Variants in NEBL observed in about 807,000 individuals in gnomAD.
NEBL encodes nebulette.
Under a neutral mutation model 140.2 loss-of-function variants are expected in NEBL, and 122 were observed. The observed-to-expected ratio is 0.87, with a 90% confidence interval of 0.75 to 1.01. The LOEUF is 1.01. Ranked by LOEUF, NEBL falls within the 50% of genes least tolerant of loss-of-function variation. The probability of loss-of-function intolerance (pLI) is 0.00; values close to 1 mark genes in which losing one functional copy is unlikely to be tolerated. For synonymous variants in NEBL, 436 were observed against 398.9 expected, an observed-to-expected ratio of 1.09 and a Z score of -1.11; for missense variants, 1,365 against 1,231.3, an observed-to-expected ratio of 1.11 and a Z score of -1.62.
At chr10:20,814,771 T>A (rs1238337359) in intron 22 of NEBL, among the ~76,000 whole-genome samples, 1 of 152,212 alleles carries the variant, frequency 6.6e-6, no homozygotes, top group East Asian at 1.9e-4. Flanking sequence ...CTACTCTATT[T>A]CTTTTTATTT....
At position 21,276,056 on chromosome 10, in the gene NEBL, C is replaced by T. The variant is rs187355232; in HGVS notation, n.182+16774G>A. On this transcript the variant is annotated intron_variant and non_coding_transcript_variant, in intron 1 of 8. Coordinates refer to the NEBL transcript ENST00000675702. ...TGTGATCTCAACTCATTCTGACCTCCGCCTCCTAGGTTCAAGCGATTGTCA... is the reference window on the plus strand; with the variant it reads ...TGTGATCTCAACTCATTCTGACCTCTGCCTCCTAGGTTCAAGCGATTGTCA... 1.8e-3 allele frequency among the ~76,000 whole-genome samples: 276 copies of T among 150,892 alleles called. 2 individuals are homozygous for T. Among genetic ancestry groups the T allele is most frequent in the African/African-American group, 6.4e-3 (263 of 41,086 alleles).
chr10:20,984,513 G>A (rs893099514), intron 3 of NEBL, among the ~76,000 whole-genome samples: 1 of 152,138 alleles, frequency 6.6e-6, no homozygotes, highest in Non-Finnish European at 1.5e-5. Flanking sequence ...TTTTGACAAT[G>A]AGATGTCTCT....
intron 2 of NEBL, among the ~76,000 whole-genome samples, chr10:21,083,250 C>A (rs1836469953): frequency 6.6e-6 from 1 of 152,172 alleles, no homozygotes; most frequent in East Asian, 1.9e-4. Flanking sequence ...AGCATGACCC[C>A]AGGGTAAGCA....
At chr10:21,017,333 T>C (rs1023974539) in intron 3 of NEBL, among the ~76,000 whole-genome samples, 1 of 152,212 alleles carries the variant, frequency 6.6e-6, no homozygotes, top group Non-Finnish European at 1.5e-5. Flanking sequence ...ACATGTTTCT[T>C]GAATTGCATT....
At chr10:21,132,904 A>T (rs1450588684) in intron 2 of NEBL, among the ~76,000 whole-genome samples, 2 of 152,218 alleles carry the variant, frequency 1.3e-5, no homozygotes, top group Non-Finnish European at 2.9e-5. Context: ...AATGATCTGC[A>T]AATATTTTCT....
At chr10:21,239,879 C>G (rs552082652) in intron 3 of NEBL, among the ~76,000 whole-genome samples, 1 of 151,840 alleles carries the variant, frequency 6.6e-6, no homozygotes, top group Non-Finnish European at 1.5e-5. Context: ...AGCCGGGCAT[C>G]GTGGCGGTCA....
intron 2 of NEBL, chr10:21,069,831 AATTAT>A: frequency 2.8e-6 from 1 of 363,494 alleles, no homozygotes; most frequent in East Asian, 7.4e-5. Flanking sequence ...AACTGTATCT[AATTAT>A]ATTAATCACA....
chr10:20,801,842 C>T (rs934728065), intron 26 of NEBL, among the ~76,000 whole-genome samples: 1 of 152,036 alleles, frequency 6.6e-6, no homozygotes, highest in Non-Finnish European at 1.5e-5. Flanking sequence ...GATGAAACGC[C>T]GGAAGCATAG....
At chr10:20,968,817 T>C (rs902793227) in intron 3 of NEBL, among the ~76,000 whole-genome samples, 13 of 152,242 alleles carry the variant, frequency 8.5e-5, no homozygotes, top group African/African-American at 3.1e-4. Flanking sequence ...TCCACATTTC[T>C]TTAAAGGGAG....
chr10:21,258,235 C>A (rs987135664), intron 1 of NEBL, among the ~76,000 whole-genome samples: 12 of 152,262 alleles, frequency 7.9e-5, no homozygotes, highest in East Asian at 3.9e-4. Flanking sequence ...CTGCAATGAG[C>A]TATGATTGCA....
chr10:20,980,156 G>A (rs11598437), intron 3 of NEBL, among the ~76,000 whole-genome samples: 26 of 151,930 alleles, frequency 1.7e-4, no homozygotes, highest in Non-Finnish European at 3.7e-4. Flanking sequence ...TAACTTGCTA[G>A]CAAATATTTG....
intron 4 of NEBL, among the ~76,000 whole-genome samples, chr10:20,940,437 T>G (rs1473775159): frequency 1.8e-4 from 26 of 143,976 alleles, no homozygotes. Context: ...TCCAAAGCAG[T>G]GTGTAGAGGG....
chr10:21,045,840 A>G (rs1466156646), intron 2 of NEBL, among the ~76,000 whole-genome samples: 1 of 152,228 alleles, frequency 6.6e-6, no homozygotes, highest in Non-Finnish European at 1.5e-5. Flanking sequence ...ATTACTATGT[A>G]ATCCAGCAAT....
At chr10:21,288,820 G>GTGTGTATATATATATA (rs1477748950) in intron 1 of NEBL, among the ~76,000 whole-genome samples, 9 of 35,022 alleles carry the variant, frequency 2.6e-4, no homozygotes, top group African/African-American at 8.7e-4. Flanking sequence ...GTGTGTGTGT[G>GTGTGTATATATATATA]TATATATATA....
At chr10:20,959,961 T>A (rs1835978477) in intron 4 of NEBL, among the ~76,000 whole-genome samples, 1 of 152,036 alleles carries the variant, frequency 6.6e-6, no homozygotes. Flanking sequence ...TAAGAATGGA[T>A]CTGCAAACCA....
chr10:21,283,667 A>G (rs1372420395), intron 1 of NEBL, among the ~76,000 whole-genome samples: 1 of 152,156 alleles, frequency 6.6e-6, no homozygotes, highest in Non-Finnish European at 1.5e-5. Context: ...CCCCTCAATC[A>G]AACCTATTAA....
chr10:20,869,748 T>C lies in NEBL; in HGVS notation c.574A>G (p.Ile192Val), dbSNP rs758465790. Residue 192 changes from isoleucine (I) to valine (V), a missense_variant, in exon 6 of 28, where the codon ATA (isoleucine) becomes GTA (valine). Transcript: ENST00000377122. The part of the protein sequence containing the change: ...IKMATQISKI[I>V]SNAEYKKGQG... Reference sequence around the variant, plus strand: ...TTAGAAAGAGAAGTTACATTGCTTATGATCTTAGAGATCTGGGTTGCCATC... The same window carrying C: ...TTAGAAAGAGAAGTTACATTGCTTACGATCTTAGAGATCTGGGTTGCCATC... The C allele has an allele frequency of 3.1e-6, 5 of 1,606,742 alleles. No individual in the cohort carries two copies. Among genetic ancestry groups the C allele is most frequent in the Non-Finnish European group, 4.3e-6 (5 of 1,173,314 alleles).
At chr10:20,854,077 C>T (rs955322223) in intron 9 of NEBL, among the ~76,000 whole-genome samples, 1 of 152,084 alleles carries the variant, frequency 6.6e-6, no homozygotes, top group Non-Finnish European at 1.5e-5. Flanking sequence ...TTCATGATTT[C>T]TATCATTGGA....
chr10:21,066,700 A>G (rs1372745894), intron 2 of NEBL, among the ~76,000 whole-genome samples: 1 of 152,246 alleles, frequency 6.6e-6, no homozygotes, highest in Non-Finnish European at 1.5e-5. Flanking sequence ...ACACAGCAAT[A>G]CAAGAGAGAG....
Sources: gnomAD v4.1 joint callset for allele counts (sites outside exome capture counted in the v4.1 genomes callset) on GRCh38, gnomAD v4.1.1 for gene constraint, MANE v1.5 for transcripts, NCBI Gene and HGNC (gene_info 2026-07-23, HGNC 2026-07-21) for gene names.